RGS20: variants seen among roughly 807,000 people sequenced by gnomAD.
RGS20 encodes the protein regulator of G protein signaling 20.
Under a neutral mutation model 33.6 loss-of-function variants are expected in RGS20, and 30 were observed. The observed-to-expected ratio is 0.89, with a 90% CI of 0.67 to 1.21. RGS20 has a LOEUF of 1.21. RGS20 is among the 50% of genes most tolerant of loss of function. The pLI is 0.00. For synonymous variants in RGS20, 208 were observed against 197.9 expected (o/e 1.05, Z -0.43); for missense variants, 472 against 502.4 (o/e 0.94, Z 0.58).
intron 2 of RGS20, chr8:53,887,069 T>A (rs1812568114): frequency 6.2e-6 from 1 of 162,338 alleles, no homozygotes; most frequent in Admixed American, 6.2e-5. Flanking sequence ...ATAATGCCTG[T>A]CAGAGTGGCT....
intron 2 of RGS20, among the ~76,000 whole-genome samples, chr8:53,894,195 T>C (rs1381821658): frequency 6.6e-6 from 1 of 152,160 alleles, no homozygotes; most frequent in African/African-American, 2.4e-5. Flanking sequence ...TACTGAAAGG[T>C]TATAAATGCT....
At position 53,954,330 on chromosome 8, in the gene RGS20, C is replaced by A; in HGVS notation, c.978+20C>A. 1 of 1,498,896 alleles carries A rather than the reference C, an allele frequency of 6.7e-7. No individual in the cohort carries two copies. The highest frequency in any genetic ancestry group is 1.1e-5 in the South Asian group (1 of 88,108). 92.8% of individuals were successfully genotyped at this position (1,498,896 alleles called of 1,614,324 possible). On this transcript the variant is annotated intron_variant, in intron 5 of 5. Coordinates refer to ENST00000297313, the MANE Select transcript of RGS20 (RefSeq NM_170587.4). ...AAGGAGGTATGTGACCACGAGATGC[C>A]TTTTCCCAAGGCTGTTGGTAAAATT...
At chr8:53,871,112 CAAAAAAAAAA>C (rs370091533) in intron 1 of RGS20, among the ~76,000 whole-genome samples, 541 of 21,482 alleles carry the variant, frequency 0.025, 8 homozygotes, top group African/African-American at 0.055. Flanking sequence ...CTCCATCTCA[CAAAAAAAAAA>C]AAAAAAAAAA....
At chr8:53,879,768 A>T in intron 2 of RGS20, 1 of 539,980 alleles carries the variant, frequency 1.9e-6, no homozygotes, top group Non-Finnish European at 3.0e-6. Context: ...AGGACGGGAC[A>T]TTGGCGGCTC....
intron 2 of RGS20, among the ~76,000 whole-genome samples, chr8:53,933,293 G>A (rs1317837115): frequency 6.6e-6 from 1 of 152,096 alleles, no homozygotes; most frequent in African/African-American, 2.4e-5. Context: ...GCTTCAGAAG[G>A]TAGGTAATAA....
chr8:53,918,410 C>T (rs1369104160), intron 2 of RGS20, among the ~76,000 whole-genome samples: 4 of 128,066 alleles, frequency 3.1e-5, no homozygotes, highest in South Asian at 2.2e-4. Flanking sequence ...TTTTTTGAGA[C>T]GGAGCTTTGC....
At chr8:53,857,240 C>T (rs2129266708) in intron 1 of RGS20, among the ~76,000 whole-genome samples, 1 of 152,358 alleles carries the variant, frequency 6.6e-6, no homozygotes, top group South Asian at 2.1e-4. Flanking sequence ...CCGTGGCTAG[C>T]ATGCACATGT....
rs1814800653 is a variant in RGS20 at position 53,954,432 on chromosome 8, G to C, written c.978+122G>C. Reference sequence around the variant, plus strand: ...TAATCCCAGCACTTTGGGAGGCTGAGGCGGGCGGATCACCTGAGGTGAGGA... The same window carrying C: ...TAATCCCAGCACTTTGGGAGGCTGACGCGGGCGGATCACCTGAGGTGAGGA... On this transcript the variant is annotated intron_variant, in intron 5 of 5. Coordinates refer to ENST00000297313, the MANE Select transcript of RGS20 (RefSeq NM_170587.4). 3 of 638,896 alleles carry C rather than the reference G, an allele frequency of 4.7e-6. No homozygotes were observed. In the South Asian group the frequency reaches 4.8e-5, roughly 10 times the overall value. 39.6% of individuals were successfully genotyped at this position (638,896 alleles called of 1,614,324 possible). A position where few individuals can be genotyped will look rare whatever the true frequency, so the allele number is the denominator to read the frequency against.
chr8:53,946,670 C>T lies in RGS20; in HGVS notation c.665C>T (p.Thr222Ile), dbSNP rs1341282338. 8 of 1,610,210 alleles carry T rather than the reference C, an allele frequency of 5.0e-6. No homozygotes were observed. The highest frequency in any genetic ancestry group is 6.8e-6 in the Non-Finnish European group (8 of 1,178,234). ...TGAATGTCTTTTTTTTGCAGTCTCA[C>T]TGTTAGAAACCAGGAAGATCAGAGG... The change falls in exon 4 of 6, where the codon ACT (threonine) becomes ATT (isoleucine). Residue 222 changes from threonine to isoleucine, a missense_variant. Physicochemically the swap from Thr to Ile is moderately conservative, Grantham distance 89 (BLOSUM62 -1). This residue lies in a region of RGS20 where 319 missense variants were observed against 283.4 expected (regional missense o/e 1.13). Transcript: ENST00000297313.
chr8:53,859,722 C>G lies in RGS20; in HGVS notation c.165+7658C>G, dbSNP rs547529414. Among the ~76,000 whole-genome samples the G allele has an allele frequency of 6.2e-4, 94 of 152,282 alleles. 1 individual carries two copies. The South Asian group carries it at 0.016, about 26-fold the overall frequency. ...AAAGAGGTTTAATGGACTCACAGTT[C>G]CACATGGCTGAGGAGCCCTCACAAT... On this transcript the variant is annotated intron_variant, in intron 1 of 5. Transcript: ENST00000297313.
At chr8:53,892,218 A>G (rs1253594315) in intron 2 of RGS20, among the ~76,000 whole-genome samples, 2 of 152,070 alleles carry the variant, frequency 1.3e-5, no homozygotes, top group African/African-American at 4.8e-5. Flanking sequence ...AAGGACACGA[A>G]CTCATCATTT....
chr8:53,936,662 T>C (rs1814145068), intron 2 of RGS20, among the ~76,000 whole-genome samples: 1 of 152,076 alleles, frequency 6.6e-6, no homozygotes, highest in Non-Finnish European at 1.5e-5. Flanking sequence ...ATCCTGAAAA[T>C]GGCCATACTG....
At chr8:53,900,941 G>T (rs1292327226) in intron 2 of RGS20, among the ~76,000 whole-genome samples, 1 of 152,082 alleles carries the variant, frequency 6.6e-6, no homozygotes, top group Non-Finnish European at 1.5e-5. Context: ...AGTCACGGCA[G>T]GGCTGTTCAC....
At chr8:53,879,039 A>G (rs961447015) in intron 1 of RGS20, among the ~76,000 whole-genome samples, 4 of 152,106 alleles carry the variant, frequency 2.6e-5, no homozygotes, top group Non-Finnish European at 5.9e-5. Flanking sequence ...GTGTTGGCGA[A>G]GCTGCTGGCC....
intron 1 of RGS20, among the ~76,000 whole-genome samples, chr8:53,856,628 G>A (rs1218318015): frequency 1.3e-5 from 2 of 152,214 alleles, no homozygotes; most frequent in East Asian, 1.9e-4. Flanking sequence ...CAATCGACAT[G>A]AGGAAGAGAA....
chr8:53,907,352 C>T (rs904223002), intron 2 of RGS20, among the ~76,000 whole-genome samples: 5 of 152,028 alleles, frequency 3.3e-5, no homozygotes, highest in South Asian at 2.1e-4. Flanking sequence ...TTTGAGAGGC[C>T]GAGGTGGGCA....
intron 2 of RGS20, among the ~76,000 whole-genome samples, chr8:53,923,657 A>T (rs2129287048): frequency 6.6e-6 from 1 of 152,112 alleles, no homozygotes; most frequent in South Asian, 2.1e-4. Flanking sequence ...TAGTTATATG[A>T]TTATATTTTG....
chr8:53,884,877 G>A (rs528906164), intron 2 of RGS20, among the ~76,000 whole-genome samples: 47 of 152,332 alleles, frequency 3.1e-4, no homozygotes, highest in African/African-American at 1.1e-3. Flanking sequence ...CCTCAGGTAA[G>A]GTAAGGTCAC....
At position 53,919,346 on chromosome 8, in the gene RGS20, CT is replaced by C. The variant is rs1320840458; in HGVS notation, c.511-20215del. ...TCCCACTCTGTGGGTTGTCTTTTCACTTTTTTTTTTTTTTTGAGACAGTCTT... is the reference window on the plus strand; with the variant it reads ...TCCCACTCTGTGGGTTGTCTTTTCACTTTTTTTTTTTTTTGAGACAGTCTT... On this transcript the variant is annotated intron_variant, in intron 2 of 5. Transcript: ENST00000297313. 4.3e-3 allele frequency among the ~76,000 whole-genome samples: 611 copies of C among 141,022 alleles called. 2 individuals are homozygous for C. Among genetic ancestry groups the C allele is most frequent in the African/African-American group, 0.011 (441 of 38,366 alleles). The allele number at this position is 141,022 out of a possible 152,430, so 92.5% of individuals were successfully genotyped here.
Sources: gnomAD v4.1 joint callset for allele counts (sites outside exome capture counted in the v4.1 genomes callset) on GRCh38, gnomAD v4.1.1 for gene constraint, gnomAD v4.1.1 regional missense constraint, MANE v1.5 for transcripts, NCBI Gene and HGNC (gene_info 2026-07-23, HGNC 2026-07-21) for gene names.